CNTLN: variants seen among roughly 807,000 people sequenced by gnomAD.
CNTLN encodes centlein, centrosomal protein.
A neutral mutation model predicts 180.0 loss-of-function variants in CNTLN; 212 were observed. The ratio of observed to expected loss-of-function variants is 1.18; its 90% CI spans 1.05 to 1.32. The LOEUF is 1.32. CNTLN is among the 40% of genes most tolerant of loss of function. CNTLN has a pLI of 0.00. For missense variants in CNTLN, 2,095 were observed against 1,610.9 expected, an observed-to-expected ratio of 1.30 and a Z score of -5.14; for synonymous variants, 722 against 563.1, an observed-to-expected ratio of 1.28 and a Z score of -3.99.
At chr9:17,268,516 G>T (rs535990021) in intron 5 of CNTLN, among the ~76,000 whole-genome samples, 1 of 152,170 alleles carries the variant, frequency 6.6e-6, no homozygotes, top group South Asian at 2.1e-4. Context: ...CAGTCTGCCC[G>T]TTCTCAGATC....
At chr9:17,412,043 G>A (rs1430254603) in intron 16 of CNTLN, among the ~76,000 whole-genome samples, 1 of 141,224 alleles carries the variant, frequency 7.1e-6, no homozygotes, top group Non-Finnish European at 1.5e-5. Context: ...TGATGTCAAT[G>A]GAAGCCCAGT....
At chr9:17,220,523 T>A (rs745488008) in intron 2 of CNTLN, among the ~76,000 whole-genome samples, 13 of 152,078 alleles carry the variant, frequency 8.5e-5, no homozygotes, top group Non-Finnish European at 1.6e-4. Context: ...ATACAAATTA[T>A]TTTATCACCC....
chr9:17,398,262 T>G (rs1385334827), intron 15 of CNTLN, among the ~76,000 whole-genome samples: 7 of 152,208 alleles, frequency 4.6e-5, no homozygotes, highest in Admixed American at 2.0e-4. Flanking sequence ...CGTTGCCTTA[T>G]GCTAGAAGTC....
At chr9:17,496,458 CTACTAATCCCATTCA>C in intron 25 of CNTLN, among the ~76,000 whole-genome samples, 1 of 152,302 alleles carries the variant, frequency 6.6e-6, no homozygotes, top group African/African-American at 2.4e-5. Flanking sequence ...TTTTATAAGG[CTACTAATCCCATTCA>C]GGATGCTTCC....
chr9:17,252,078 G>A (rs1791934226), intron 5 of CNTLN, among the ~76,000 whole-genome samples: 1 of 151,706 alleles, frequency 6.6e-6, no homozygotes, highest in African/African-American at 2.4e-5. Context: ...TCTTTTTTAT[G>A]TCTAAGTAGT....
At position 17,222,541 on chromosome 9, in the gene CNTLN, C is replaced by T. The variant is rs80131437; in HGVS notation, c.450-3662C>T. On this transcript the variant is annotated intron_variant, in intron 2 of 25. Coordinates refer to ENST00000380647, the MANE Select transcript of CNTLN (RefSeq NM_017738.4). Reference sequence around the variant, plus strand: ...CAGGGGTTTCCGCTTTTGCATCTTCCTCATTTTCTCTTGCCGCTGCCATGT... The same window carrying T: ...CAGGGGTTTCCGCTTTTGCATCTTCTTCATTTTCTCTTGCCGCTGCCATGT... Among the ~76,000 whole-genome samples the T allele has an allele frequency of 0.017, 2,599 of 152,060 alleles. 159 individuals carry two copies. The East Asian group carries it at 0.22, about 13-fold the overall frequency.
At chr9:17,269,702 T>C (rs1827793807) in intron 5 of CNTLN, among the ~76,000 whole-genome samples, 1 of 152,194 alleles carries the variant, frequency 6.6e-6, no homozygotes, top group Admixed American at 6.5e-5. Context: ...GAATGTTTCA[T>C]GTGCCATTAA....
intron 4 of CNTLN, 132 bp from the exon 5 acceptor site, chr9:17,236,277 C>A: frequency 1.5e-6 from 1 of 680,608 alleles, no homozygotes; most frequent in Non-Finnish European, 2.3e-6. Context: ...GTGACCTTGG[C>A]TATCAAATAT....
At chr9:17,177,846 G>A (rs1055368052) in intron 2 of CNTLN, among the ~76,000 whole-genome samples, 1 of 152,142 alleles carries the variant, frequency 6.6e-6, no homozygotes, top group Non-Finnish European at 1.5e-5. Context: ...AGTATGGAAG[G>A]GGACCTGAAT....
intron 2 of CNTLN, among the ~76,000 whole-genome samples, chr9:17,203,694 C>CTACA (rs1322862307): frequency 6.6e-6 from 1 of 152,074 alleles, no homozygotes; most frequent in African/African-American, 2.4e-5. Flanking sequence ...GTAGCCGGGA[C>CTACA]TACAGGCACC....
At chr9:17,170,426 T>G (rs1305451265) in intron 2 of CNTLN, among the ~76,000 whole-genome samples, 1 of 152,150 alleles carries the variant, frequency 6.6e-6, no homozygotes, top group Non-Finnish European at 1.5e-5. Flanking sequence ...AGTAGTATAT[T>G]GAATAAAAGT....
chr9:17,354,986 G>A (rs897802105), intron 12 of CNTLN, among the ~76,000 whole-genome samples: 2 of 151,908 alleles, frequency 1.3e-5, no homozygotes, highest in African/African-American at 2.4e-5. Flanking sequence ...AACACTCACC[G>A]CGAAGGTCTG....
intron 10 of CNTLN, among the ~76,000 whole-genome samples, chr9:17,337,897 AC>A (rs1210298543): frequency 6.6e-6 from 1 of 152,186 alleles, no homozygotes; most frequent in Non-Finnish European, 1.5e-5. Context: ...GATGACTCTA[AC>A]AAAAAACTTT....
At chr9:17,260,324 C>T (rs1337851883) in intron 5 of CNTLN, among the ~76,000 whole-genome samples, 3 of 151,010 alleles carry the variant, frequency 2.0e-5, no homozygotes, top group Admixed American at 6.6e-5. Flanking sequence ...AGTTTGATTG[C>T]ACTGTGGTCT....
chr9:17,334,255 T>C lies in CNTLN; in HGVS notation c.1644+1525T>C, dbSNP rs1186098855. Among the ~76,000 whole-genome samples the C allele has an allele frequency of 2.0e-5, 3 of 152,082 alleles. No homozygotes were observed. The East Asian group carries it at 5.8e-4, about 29-fold the overall frequency. ...TTGTGTTTTTAGCAGAGATGGAGTT[T>C]TACCATGTTGGCCAGGCTGATCTCA... On this transcript the variant is annotated intron_variant, in intron 10 of 25. Transcript: ENST00000380647.
chr9:17,414,255 C>T (rs935891486), intron 16 of CNTLN, among the ~76,000 whole-genome samples: 2 of 152,162 alleles, frequency 1.3e-5, no homozygotes, highest in East Asian at 1.9e-4. Flanking sequence ...TTTTTGACCT[C>T]TGACATTTCC....
chr9:17,301,714 T>A (rs1414049823), intron 7 of CNTLN: 1 of 947,400 alleles, frequency 1.1e-6, no homozygotes, highest in Non-Finnish European at 1.3e-6. Flanking sequence ...ATATTCTTCT[T>A]ATTTATTTAT....
At chr9:17,521,478 T>C in the CNTLN span, among the ~76,000 whole-genome samples, 1 of 152,204 alleles carries the variant, frequency 6.6e-6, no homozygotes, top group Non-Finnish European at 1.5e-5. Flanking sequence ...ATAATTCTTT[T>C]TTTCCCCCGA....
chr9:17,430,336 C>T (rs1190442383), intron 18 of CNTLN, among the ~76,000 whole-genome samples: 1 of 151,892 alleles, frequency 6.6e-6, no homozygotes, highest in Non-Finnish European at 1.5e-5. Context: ...ATTAATATTA[C>T]CAAAATTACC....
Sources: allele counts gnomAD v4.1 joint callset (sites outside exome capture counted in the v4.1 genomes callset), GRCh38; gene constraint gnomAD v4.1.1; transcripts MANE v1.5; gene names NCBI Gene and HGNC (gene_info 2026-07-23, HGNC 2026-07-21).